Variants in HMBOX1 observed in about 807,000 individuals in gnomAD.
The protein encoded by HMBOX1 is homeobox-containing protein 1.
A neutral mutation model predicts 54.5 loss-of-function variants in HMBOX1; 14 were observed. The observed-to-expected ratio is 0.26, with a 90% CI of 0.17 to 0.40. The LOEUF is 0.40. Among genes scored for constraint, HMBOX1 ranks in the 10% least tolerant of loss-of-function variants. The probability of loss-of-function intolerance (pLI) is 1.00; values close to 1 mark genes in which losing one functional copy is unlikely to be tolerated. For missense variants in HMBOX1, 332 were observed against 514.4 expected (o/e 0.65, Z 3.43); for synonymous variants, 160 against 181.0 (o/e 0.88, Z 0.93).
At chr8:29,033,760 T>A (rs1245840481) in intron 6 of HMBOX1, among the ~76,000 whole-genome samples, 1 of 152,202 alleles carries the variant, frequency 6.6e-6, no homozygotes, top group Non-Finnish European at 1.5e-5. Context: ...CATACAATGT[T>A]CTGTGGCCGC....
chr8:28,913,601 G>A (rs566686473), intron 1 of HMBOX1, among the ~76,000 whole-genome samples: 4 of 152,076 alleles, frequency 2.6e-5, no homozygotes, highest in Non-Finnish European at 5.9e-5. Context: ...GTAATTATTT[G>A]TCTGTTTTCC....
chr8:29,037,641 T>C (rs1001633247), intron 6 of HMBOX1, among the ~76,000 whole-genome samples: 2 of 152,226 alleles, frequency 1.3e-5, no homozygotes, highest in African/African-American at 4.8e-5. Context: ...TTATACTTTC[T>C]CACTTATATG....
At position 29,017,881 on chromosome 8, in the gene HMBOX1, A is replaced by C. The variant is rs138870293; in HGVS notation, c.698-879A>C. Reference sequence around the variant, plus strand: ...AGAAATAAATATTAATATCATTAACATAGAATTAACATATTTATTAATATT... The same window carrying C: ...AGAAATAAATATTAATATCATTAACCTAGAATTAACATATTTATTAATATT... On this transcript the variant is annotated intron_variant, in intron 5 of 9. Coordinates refer to ENST00000287701, the MANE Select transcript of HMBOX1 (RefSeq NM_001135726.3). 3.1e-3 allele frequency among the ~76,000 whole-genome samples: 466 copies of C among 152,362 alleles called. 1 individual carries two copies. The highest frequency in any genetic ancestry group is 5.0e-3 in the Non-Finnish European group (338 of 68,026).
chr8:28,986,903 G>GTGGTGAAAAAAA (rs1356177021), intron 4 of HMBOX1, among the ~76,000 whole-genome samples: 4 of 151,860 alleles, frequency 2.6e-5, no homozygotes, highest in Non-Finnish European at 2.9e-5. Flanking sequence ...ACATCCAAAT[G>GTGGTGAAAAAAA]CCCATATTTT....
intron 1 of HMBOX1, among the ~76,000 whole-genome samples, chr8:28,935,232 A>G (rs572749449): frequency 1.3e-5 from 2 of 152,340 alleles, no homozygotes; most frequent in South Asian, 4.1e-4. Flanking sequence ...ATCTCAATCA[A>G]ATCCCTGGGA....
At chr8:29,043,221 A>G (rs1805098948) in intron 6 of HMBOX1, among the ~76,000 whole-genome samples, 1 of 152,194 alleles carries the variant, frequency 6.6e-6, no homozygotes, top group Non-Finnish European at 1.5e-5. Flanking sequence ...ACTCTTCTCT[A>G]TGCCCAGAGT....
At chr8:28,933,759 C>T (rs996125486) in intron 1 of HMBOX1, among the ~76,000 whole-genome samples, 4 of 152,184 alleles carry the variant, frequency 2.6e-5, no homozygotes, top group Non-Finnish European at 5.9e-5. Context: ...AAGAAATAAT[C>T]TGAAAACCCC....
At chr8:28,989,528 TGCAA>T (rs1830675538) in intron 4 of HMBOX1, among the ~76,000 whole-genome samples, 1 of 152,196 alleles carries the variant, frequency 6.6e-6, no homozygotes. Flanking sequence ...TGGACATGCA[TGCAA>T]GGTCTGTTTC....
intron 6 of HMBOX1, 81 bp from the exon 7 acceptor site, chr8:29,045,280 A>T: frequency 9.4e-7 from 1 of 1,062,318 alleles, no homozygotes; most frequent in Non-Finnish European, 1.5e-6. Context: ...CTTACAGAAT[A>T]TATTTTTCAG....
chr8:28,951,601 A>C (rs1823425603), intron 1 of HMBOX1, among the ~76,000 whole-genome samples: 1 of 152,182 alleles, frequency 6.6e-6, no homozygotes. Context: ...GAAAAAAGAG[A>C]AGCTGGTGTG....
chr8:29,048,537 G>A (rs1462463761), intron 8 of HMBOX1: 1 of 153,192 alleles, frequency 6.5e-6, no homozygotes, highest in Non-Finnish European at 1.5e-5. Context: ...GTACTAACCA[G>A]GCCTGACCCT....
intron 7 of HMBOX1, among the ~76,000 whole-genome samples, chr8:29,046,874 TG>T (rs1203161118): frequency 6.6e-6 from 1 of 152,108 alleles, no homozygotes; most frequent in African/African-American, 2.4e-5. Context: ...CCCAGCTACC[TG>T]GGGGGCTGAG....
chr8:28,914,028 A>G lies in HMBOX1; in HGVS notation c.-58+23350A>G, dbSNP rs375541438. ...TGGGACTACAGGCATGTGCCACCAC[A>G]TCCGGCTAATTTCTGTATTTTTAGA... On this transcript the variant is annotated intron_variant, in intron 1 of 9. Coordinates refer to ENST00000287701, the MANE Select transcript of HMBOX1 (RefSeq NM_001135726.3). Among the ~76,000 whole-genome samples the G allele has an allele frequency of 2.6e-5, 4 of 152,020 alleles. No individual in the cohort carries two copies. In the South Asian group the frequency reaches 8.3e-4, roughly 32 times the overall value.
chr8:28,899,073 A>C (rs1290324643), intron 1 of HMBOX1, among the ~76,000 whole-genome samples: 1 of 152,210 alleles, frequency 6.6e-6, no homozygotes, highest in Non-Finnish European at 1.5e-5. Flanking sequence ...TGGAAATAGC[A>C]AAAGACTCCT....
At chr8:28,941,661 A>C (rs1334223604) in intron 1 of HMBOX1, among the ~76,000 whole-genome samples, 1 of 152,208 alleles carries the variant, frequency 6.6e-6, no homozygotes, top group Non-Finnish European at 1.5e-5. Context: ...ACCTCTTTCC[A>C]GCCATCCTCA....
chr8:29,023,489 ACCT>A lies in HMBOX1; in HGVS notation c.851+4580_851+4582del, dbSNP rs554081226. On this transcript the variant is annotated intron_variant, in intron 6 of 9. Coordinates refer to ENST00000287701, the MANE Select transcript of HMBOX1 (RefSeq NM_001135726.3). ...ATGATCATAGCTCACCACAGCCTCA[ACCT>A]CCTGGGCTCAGGTCTTTCTCCCATC... Among the ~76,000 whole-genome samples, 11 of 152,170 alleles carry A rather than the reference ACCT, an allele frequency of 7.2e-5. No individual in the cohort carries two copies. The East Asian group carries it at 2.1e-3, about 29-fold the overall frequency.
chr8:29,025,570 T>G (rs1801890273), intron 6 of HMBOX1, among the ~76,000 whole-genome samples: 1 of 152,204 alleles, frequency 6.6e-6, no homozygotes, highest in Non-Finnish European at 1.5e-5. Context: ...CAGTGTTCTT[T>G]TTCCATCTAA....
At chr8:29,050,262 C>A in intron 9 of HMBOX1, 1 of 975,790 alleles carries the variant, frequency 1.0e-6, no homozygotes, top group Non-Finnish European at 1.2e-6. Flanking sequence ...AGGTGAGAAA[C>A]ATACCCCTTA....
At chr8:28,978,215 C>G (rs1445187911) in intron 3 of HMBOX1, among the ~76,000 whole-genome samples, 1 of 152,192 alleles carries the variant, frequency 6.6e-6, no homozygotes, top group African/African-American at 2.4e-5. Flanking sequence ...AGAGTCCTTT[C>G]AACAGAGCAT....
Sources: gnomAD v4.1 joint callset for allele counts (sites outside exome capture counted in the v4.1 genomes callset) on GRCh38, gnomAD v4.1.1 for gene constraint, MANE v1.5 for transcripts, NCBI Gene and HGNC (gene_info 2026-07-23, HGNC 2026-07-21) for gene names.